Variants in SEMA6C observed in about 807,000 individuals in gnomAD.
SEMA6C encodes semaphorin-6C.
In SEMA6C, 37 loss-of-function variants were observed where a neutral mutation model predicts 72.9. The ratio of observed to expected loss-of-function variants is 0.51; its 90% CI spans 0.39 to 0.67. The LOEUF (loss-of-function observed/expected upper bound fraction) is 0.67. Ranked by LOEUF, SEMA6C falls within the 30% of genes least tolerant of loss-of-function variation. SEMA6C has a pLI of 0.00. For synonymous variants in SEMA6C, 578 were observed against 554.1 expected, an observed-to-expected ratio of 1.04 and a Z score of -0.61; for missense variants, 1,189 against 1,263.6, an observed-to-expected ratio of 0.94 and a Z score of 0.89.
At position 151,133,036 on chromosome 1, in the gene SEMA6C, G is replaced by C; in HGVS notation, c.2241C>G (p.Arg747=). 7.2e-7 allele frequency: 1 copy of C among 1,386,612 alleles called. No homozygotes were observed. The highest frequency in any genetic ancestry group is 1.4e-5 in the South Asian group (1 of 69,944). 85.9% of individuals were successfully genotyped at this position (1,386,612 alleles called of 1,614,324 possible). The part of the protein sequence containing the change: ...GGHAAGGPAP[R]VLVRPPPPGC... ...CGGGCGGCGGTGGCCTCACCAGCAC[G>C]CGGGGCGCGGGCCCGCCCGCCGCGT... is the stretch of plus-strand genomic sequence containing the variant. The change falls in exon 19 of 19, where the codon CGC becomes CGG. Residue 747 remains arginine (R), a synonymous_variant. Transcript: ENST00000368914. The surrounding 1 kb of genome is among the most constrained non-coding windows in gnomAD (Gnocchi z 5.9).
At chr1:151,135,109 C>T in intron 15 of SEMA6C, 54 bp downstream of exon 15, 2 of 1,596,940 alleles carry the variant, frequency 1.3e-6, no homozygotes, top group East Asian at 2.2e-5. Flanking sequence ...TTTCTGTGCT[C>T]TTGCTGGCCC....
Position 151,133,185 on chromosome 1 carries a change from G to A in SEMA6C, c.2092C>T (p.Leu698=). 1 of 1,563,976 alleles carries A rather than the reference G, an allele frequency of 6.4e-7. No homozygotes were observed. The highest frequency in any genetic ancestry group is 8.6e-7 in the Non-Finnish European group (1 of 1,165,002). The change falls in exon 19 of 19, where the codon CTG becomes TTG. Residue 698 remains leucine (L), a synonymous_variant. Coordinates refer to ENST00000368914, the MANE Select transcript of SEMA6C (RefSeq NM_030913.6). The surrounding 1 kb of genome is among the most constrained non-coding windows in gnomAD (Gnocchi z 5.9). The part of the protein sequence containing the change: ...EGVPPPELAC[L]PTPESTPELP... ...TCCGGCGTGGACTCGGGGGTGGGCA[G>A]GCAGGCCAGCTCCGGCGGGGGCACG...
intron 3 of SEMA6C, among the ~76,000 whole-genome samples, chr1:151,140,534 C>T (rs1389656993): frequency 6.6e-6 from 1 of 152,208 alleles, no homozygotes; most frequent in African/African-American, 2.4e-5. Flanking sequence ...TCTCCCAGCC[C>T]TCTGCACCCT....
At chr1:151,141,473 G>A (rs1466548936) in intron 3 of SEMA6C, among the ~76,000 whole-genome samples, 3 of 152,032 alleles carry the variant, frequency 2.0e-5, no homozygotes, top group Admixed American at 6.6e-5. Context: ...GAAATGGCGC[G>A]ATCTCGGCTC....
Position 151,146,605 on chromosome 1 carries a change from A to T in SEMA6C, c.-277T>A, listed in dbSNP as rs1209269542. 5.3e-5 allele frequency: 8 copies of T among 152,236 alleles called. No homozygotes were observed. Among genetic ancestry groups the T allele is most frequent in the Admixed American group, 5.2e-4 (8 of 15,284 alleles). The allele number at this position is 152,236 out of a possible 1,614,324, so 9.4% of individuals were successfully genotyped here. On this transcript the variant is annotated 5_prime_UTR_variant, in exon 1 of 19. Coordinates refer to ENST00000368914, the MANE Select transcript of SEMA6C (RefSeq NM_030913.6). This position sits in a 1 kb window ranked among gnomAD's most constrained non-coding sequence, Gnocchi z 4.6. ...TCGGGAGAGCCCTGGGTCCAAGTCC[A>T]GCCGCGGATCCGCGGAGGAAAACAA...
At position 151,132,493 on chromosome 1, in the gene SEMA6C, G is replaced by A. The variant is rs1245697692; in HGVS notation, c.2784C>T (p.Phe928=). 3 of 1,548,668 alleles carry A rather than the reference G, an allele frequency of 1.9e-6. No homozygotes were observed. The highest frequency in any genetic ancestry group is 8.7e-7 in the Non-Finnish European group (1 of 1,145,970). The change falls in exon 19 of 19, where the codon TTC becomes TTT. Residue 928 remains phenylalanine, a synonymous_variant. Coordinates refer to ENST00000368914, the MANE Select transcript of SEMA6C (RefSeq NM_030913.6). ...SRQAVPNGGR[F]NF The stretch of plus-strand genomic sequence containing the variant: ...CCGTGGGCCGCTCCCTTTAAAAGTT[G>A]AAACGGCCGCCGTTCGGGACGGCCT...
chr1:151,142,767 A>AT, intron 2 of SEMA6C, 92 bp from the exon 3 acceptor site: 1 of 629,036 alleles, frequency 1.6e-6, no homozygotes, highest in Non-Finnish European at 2.7e-6. Flanking sequence ...GTATCCCCAG[A>AT]AGACCCTGTG....
chr1:151,132,115 G>T lies in SEMA6C; in HGVS notation c.*369C>A. On this transcript the variant is annotated 3_prime_UTR_variant, in exon 19 of 19. Transcript: ENST00000368914. Reference sequence around the variant, plus strand: ...TACACAGTAGGAGAGGCACGTCCCAGACCCAGAAGGCCCGAGGACTCTGGA... The same window carrying T: ...TACACAGTAGGAGAGGCACGTCCCATACCCAGAAGGCCCGAGGACTCTGGA... 3 of 1,030,370 alleles carry T rather than the reference G, an allele frequency of 2.9e-6. No homozygotes were observed. The highest frequency in any genetic ancestry group is 3.9e-6 in the Non-Finnish European group (3 of 778,140). The allele number at this position is 1,030,370 out of a possible 1,614,324, so 63.8% of individuals were successfully genotyped here.
In SEMA6C at chr1:151,132,856, G is replaced by A; in HGVS notation, c.2421C>T (p.Pro807=). 8.6e-6 allele frequency: 11 copies of A among 1,279,890 alleles called. No homozygotes were observed. Among genetic ancestry groups the A allele is most frequent in the Non-Finnish European group, 9.9e-6 (10 of 1,014,590 alleles). The allele number at this position is 1,279,890 out of a possible 1,614,324, so 79.3% of individuals were successfully genotyped here. A position where few individuals can be genotyped will look rare whatever the true frequency, so the allele number is the denominator to read the frequency against. The change falls in exon 19 of 19, where the codon CCC becomes CCT. Residue 807 remains proline (P), a synonymous_variant. Transcript: ENST00000368914. The part of the protein sequence containing the change: ...PEPAPALLGG[P]SPRPHECASP... Reference sequence around the variant, plus strand: ...AGGCGCACTCGTGGGGCCTGGGGCTGGGGCCGCCCAAGAGGGCGGGGGCGG... The same window carrying A: ...AGGCGCACTCGTGGGGCCTGGGGCTAGGGCCGCCCAAGAGGGCGGGGGCGG...
In SEMA6C at chr1:151,132,768, G is replaced by A. The variant is rs2101604893; in HGVS notation, c.2509C>T (p.Leu837Phe). The change falls in exon 19 of 19, where the codon CTC becomes TTC. Residue 837 changes from leucine (L) to phenylalanine (F), a missense_variant. Transcript: ENST00000368914. Reference protein sequence around the residue: ...RCASAPARPALSAPAPRLGVG... With the variant: ...RCASAPARPAFSAPAPRLGVG... ...CCCAGCCGGGGAGCGGGGGCGGAGA[G>A]CGCGGGCCGGGCGGGGGCAGAGGCG... is the stretch of plus-strand genomic sequence containing the variant. 3 of 1,415,988 alleles carry A rather than the reference G, an allele frequency of 2.1e-6. No homozygotes were observed. The East Asian group carries it at 8.2e-5, about 39-fold the overall frequency. The allele number at this position is 1,415,988 out of a possible 1,614,324, so 87.7% of individuals were successfully genotyped here.
Position 151,136,923 on chromosome 1 carries a change from A to G in SEMA6C, c.908T>C (p.Leu303Ser). ...GCCATGCAGGTTCACAGGCCCAGTC[A>G]AGGCCTGTAAAACATCAAAATAGAA... ...STFYFDVLQA[L>S]TGPVNLHGRS... Residue 303 changes from leucine (L) to serine (S), a missense_variant, in exon 11 of 19, where the codon TTG becomes TCG. Coordinates refer to ENST00000368914, the MANE Select transcript of SEMA6C (RefSeq NM_030913.6). 6.2e-7 allele frequency: 1 copy of G among 1,613,280 alleles called. No homozygotes were observed.
At chr1:151,135,545 C>A in intron 14 of SEMA6C, 46 bp downstream of exon 14, 1 of 1,575,826 alleles carries the variant, frequency 6.3e-7, no homozygotes, top group Non-Finnish European at 8.6e-7. Context: ...TGCTACCTCC[C>A]ATCCCCTCCC....
In SEMA6C at chr1:151,139,411, G is replaced by A. The variant is rs760834969; in HGVS notation, c.354+14C>T. 1.2e-5 allele frequency: 20 copies of A among 1,610,598 alleles called. 1 individual carries two copies. Among genetic ancestry groups the A allele is most frequent in the South Asian group, 5.5e-5 (5 of 91,002 alleles). ...ATCCTCTCCTTCCCTCCACATTCTCGTCTCACTCCTTACCGTCAGCTTTCC... is the reference window on the plus strand; with the variant it reads ...ATCCTCTCCTTCCCTCCACATTCTCATCTCACTCCTTACCGTCAGCTTTCC... On this transcript the variant is annotated intron_variant, in intron 6 of 18. Transcript: ENST00000368914.
In SEMA6C at chr1:151,135,585, C is replaced by A; in HGVS notation, c.1433+6G>T. ...TTGCAGGGGGCCTGCCCTCCAAAGG[C>A]CTCACCGGGCAGGGCTGTAGGCATC... On this transcript the variant is annotated splice_donor_region_variant and intron_variant, in intron 14 of 18. Coordinates refer to ENST00000368914, the MANE Select transcript of SEMA6C (RefSeq NM_030913.6). 6.2e-7 allele frequency: 1 copy of A among 1,609,214 alleles called. No homozygotes were observed. The highest frequency in any genetic ancestry group is 8.5e-7 in the Non-Finnish European group (1 of 1,177,932).
At chr1:151,137,444 T>TCAAAA (rs1682136218) in intron 10 of SEMA6C, among the ~76,000 whole-genome samples, 1 of 13,760 alleles carries the variant, frequency 7.3e-5, no homozygotes, top group African/African-American at 1.7e-4. Flanking sequence ...AGACTCCGTC[T>TCAAAA]CAAAAAAAAA....
Position 151,133,066 on chromosome 1 carries a change from G to T in SEMA6C, c.2211C>A (p.Gly737=). ...GCGCGGGCCCGCCCGCCGCGTGCCC[G>T]CCCCGTGAGCGGCCCGGACCCTCCT... ...NAKEGPGRSR[G]GHAAGGPAPR... is the part of the protein sequence containing the mutation. Residue 737 remains glycine (G), a synonymous_variant, in exon 19 of 19, where the codon GGC becomes GGA. Coordinates refer to ENST00000368914, the MANE Select transcript of SEMA6C (RefSeq NM_030913.6). This position sits in a 1 kb window ranked among gnomAD's most constrained non-coding sequence, Gnocchi z 5.9. The T allele has an allele frequency of 4.1e-6, 6 of 1,476,484 alleles. No individual in the cohort carries two copies. Among genetic ancestry groups the T allele is most frequent in the Non-Finnish European group, 2.7e-6 (3 of 1,125,874 alleles). The allele number at this position is 1,476,484 out of a possible 1,614,324, so 91.5% of individuals were successfully genotyped here. A position where few individuals can be genotyped will look rare whatever the true frequency, so the allele number is the denominator to read the frequency against.
intron 2 of SEMA6C, among the ~76,000 whole-genome samples, chr1:151,143,215 G>C (rs939337390): frequency 6.6e-6 from 1 of 152,168 alleles, no homozygotes. Context: ...GACACAGTTG[G>C]GGGAGGCAGC....
At chr1:151,140,839 A>G (rs1682473984) in intron 3 of SEMA6C, among the ~76,000 whole-genome samples, 1 of 152,096 alleles carries the variant, frequency 6.6e-6, no homozygotes, top group South Asian at 2.1e-4. Context: ...CTAAAAATAC[A>G]AAAACAAAAT....
chr1:151,135,546 A>G, intron 14 of SEMA6C, 45 bp downstream of exon 14: 1 of 1,576,740 alleles, frequency 6.3e-7, no homozygotes, highest in Non-Finnish European at 8.6e-7. Context: ...GCTACCTCCC[A>G]TCCCCTCCCT....
Sources: gnomAD v4.1 joint callset for allele counts (sites outside exome capture counted in the v4.1 genomes callset) on GRCh38, gnomAD v4.1.1 for gene constraint, Gnocchi (gnomAD v3.1) non-coding constraint, MANE v1.5 for transcripts, NCBI Gene and HGNC (gene_info 2026-07-23, HGNC 2026-07-21) for gene names.